The following MAPK10 variants were observed in gnomAD, a reference collection of about 807,000 sequenced individuals.
MAPK10 encodes the protein JNK3 alpha protein kinase.
Under a neutral mutation model 59.3 loss-of-function variants are expected in MAPK10, and 25 were observed. The ratio of observed to expected loss-of-function variants is 0.42; its 90% CI spans 0.31 to 0.59. MAPK10 has a LOEUF of 0.59. Among genes scored for constraint, MAPK10 ranks in the 20% least tolerant of loss-of-function variants. The pLI is 0.15. For missense variants in MAPK10, 351 were observed against 568.9 expected (o/e 0.62, Z 3.90); for synonymous variants, 190 against 200.5 (o/e 0.95, Z 0.44).
chr4:86,400,398 G>A (rs1457757302), intron 1 of MAPK10, among the ~76,000 whole-genome samples: 1 of 151,932 alleles, frequency 6.6e-6, no homozygotes, highest in Non-Finnish European at 1.5e-5. Flanking sequence ...ACATGGGATC[G>A]TAATGATTTT....
chr4:86,195,938 T>C (rs2081203322), intron 2 of MAPK10, among the ~76,000 whole-genome samples: 1 of 152,228 alleles, frequency 6.6e-6, no homozygotes, highest in African/African-American at 2.4e-5. Context: ...ATGGTGTATA[T>C]GTGTCATATT....
At chr4:86,136,034 G>A (rs937781054) in intron 4 of MAPK10, among the ~76,000 whole-genome samples, 2 of 152,202 alleles carry the variant, frequency 1.3e-5, no homozygotes, top group African/African-American at 4.8e-5. Flanking sequence ...ATGGGACTAT[G>A]TGAAAAGACC....
At chr4:86,069,438 T>C (rs185889811) in intron 9 of MAPK10, among the ~76,000 whole-genome samples, 2 of 152,224 alleles carry the variant, frequency 1.3e-5, no homozygotes, top group Admixed American at 1.3e-4. Context: ...TAGAAGCTCA[T>C]CTAATTATCA....
chr4:86,468,071 C>A (rs115516941), intron 1 of MAPK10, among the ~76,000 whole-genome samples: 1 of 152,192 alleles, frequency 6.6e-6, no homozygotes, highest in African/African-American at 2.4e-5. Context: ...TAGCTTCTCT[C>A]CTTTTCCCAG....
At chr4:86,410,593 C>G in intron 1 of MAPK10, among the ~76,000 whole-genome samples, 1 of 152,142 alleles carries the variant, frequency 6.6e-6, no homozygotes, top group Non-Finnish European at 1.5e-5. Context: ...TGTTATTAGT[C>G]TATTCAGAGA....
At chr4:86,032,683 A>C (rs2039323629) in intron 11 of MAPK10, 1 of 152,172 alleles carries the variant, frequency 6.6e-6, no homozygotes, top group South Asian at 2.1e-4. Flanking sequence ...ATTCATGCAG[A>C]ATCTGTGGTA....
At chr4:86,342,933 G>A (rs1339842129) in intron 2 of MAPK10, among the ~76,000 whole-genome samples, 1 of 152,072 alleles carries the variant, frequency 6.6e-6, no homozygotes, top group African/African-American at 2.4e-5. Flanking sequence ...AGAAAAAAAG[G>A]AGAGGTTCTT....
chr4:86,348,005 C>A (rs1729163338), intron 2 of MAPK10, among the ~76,000 whole-genome samples: 1 of 152,152 alleles, frequency 6.6e-6, no homozygotes, highest in African/African-American at 2.4e-5. Flanking sequence ...CAGAACAGCA[C>A]CACAGAATTA....
rs1022571209 is a variant in MAPK10 at position 86,036,815 on chromosome 4, C to T, written c.1111-5384G>A. Among the ~76,000 whole-genome samples, 104 of 152,242 alleles carry T rather than the reference C, an allele frequency of 6.8e-4. 2 individuals carry two copies. The highest frequency in any genetic ancestry group is 6.2e-4 in the South Asian group (3 of 4,828). ...TCCTTGTAATTATTAGTAGCACTTACGCCCTTCGCTCCTTTAAGTGTTGTG... is the reference window on the plus strand; with the variant it reads ...TCCTTGTAATTATTAGTAGCACTTATGCCCTTCGCTCCTTTAAGTGTTGTG... On this transcript the variant is annotated intron_variant, in intron 11 of 13. Coordinates refer to ENST00000641462, the MANE Select transcript of MAPK10 (RefSeq NM_138982.4).
At chr4:86,091,037 C>T (rs537190572) in intron 9 of MAPK10, 1 of 152,066 alleles carries the variant, frequency 6.6e-6, no homozygotes, top group South Asian at 2.1e-4. Flanking sequence ...TCAATTTTAT[C>T]CCCTAAAATA....
intron 2 of MAPK10, among the ~76,000 whole-genome samples, chr4:86,343,060 C>G (rs1264342077): frequency 2.0e-5 from 3 of 152,150 alleles, no homozygotes; most frequent in African/African-American, 7.2e-5. Context: ...TATGCATAAG[C>G]CACGCAAGCC....
chr4:86,333,997 C>T (rs1197010810), intron 2 of MAPK10, among the ~76,000 whole-genome samples: 2 of 152,034 alleles, frequency 1.3e-5, no homozygotes, highest in Non-Finnish European at 2.9e-5. Context: ...CCCCATTATC[C>T]TCCTATTTAG....
At chr4:86,427,206 G>A (rs558598998) in intron 1 of MAPK10, among the ~76,000 whole-genome samples, 160 of 146,022 alleles carry the variant, frequency 1.1e-3, no homozygotes, top group Non-Finnish European at 1.4e-3. Context: ...GCAGTGAGCC[G>A]AGATCGCGCC....
At chr4:86,517,368 C>T (rs1047024103) in intron 1 of MAPK10, among the ~76,000 whole-genome samples, 1 of 150,818 alleles carries the variant, frequency 6.6e-6, no homozygotes, top group Admixed American at 6.6e-5. Flanking sequence ...CTCCGCCTCC[C>T]GGGTTCACGC....
chr4:86,435,901 G>T (rs1206652881), intron 1 of MAPK10, among the ~76,000 whole-genome samples: 1 of 152,140 alleles, frequency 6.6e-6, no homozygotes, highest in African/African-American at 2.4e-5. Context: ...GTGCAACTTT[G>T]TCTAAAAATC....
intron 2 of MAPK10, among the ~76,000 whole-genome samples, chr4:86,278,393 G>A (rs542915007): frequency 4.7e-4 from 71 of 152,236 alleles, no homozygotes; most frequent in African/African-American, 1.6e-3. Context: ...CTTCCACTTA[G>A]CTTATTATAC....
At chr4:86,024,003 T>C (rs1748869554) in intron 13 of MAPK10, 1 of 151,742 alleles carries the variant, frequency 6.6e-6, no homozygotes, top group Admixed American at 6.6e-5. Context: ...AATAAAATTG[T>C]GGCATAATAC....
intron 1 of MAPK10, among the ~76,000 whole-genome samples, chr4:86,585,062 CA>C (rs962118637): frequency 6.6e-6 from 1 of 152,090 alleles, no homozygotes; most frequent in African/African-American, 2.4e-5. Context: ...GAAGATTATT[CA>C]AACAAGAAAG....
At position 86,061,774 on chromosome 4, in the gene MAPK10, C is replaced by T. The variant is rs534031478; in HGVS notation, c.1110+2492G>A. ...TTCTCTCTCATCTTTGAATTTCCTT[C>T]CCTCCCTAACAGCATGTGAGTTACT... On this transcript the variant is annotated intron_variant, in intron 11 of 13. Transcript: ENST00000641462. Among the ~76,000 whole-genome samples, 6 of 152,232 alleles carry T rather than the reference C, an allele frequency of 3.9e-5. No individual in the cohort carries two copies. In the South Asian group the frequency reaches 1.2e-3, roughly 32 times the overall value.
Sources: allele counts gnomAD v4.1 joint callset (sites outside exome capture counted in the v4.1 genomes callset), GRCh38; gene constraint gnomAD v4.1.1; transcripts MANE v1.5; gene names NCBI Gene and HGNC (gene_info 2026-07-23, HGNC 2026-07-21).